Variants in SLC25A26 observed in about 807,000 individuals in gnomAD.
The protein encoded by SLC25A26 is solute carrier family 25 member 26, also known as mitochondrial S-adenosylmethionine carrier protein.
In SLC25A26, 36 loss-of-function variants were observed where a neutral mutation model predicts 37.8. The ratio of observed to expected loss-of-function variants is 0.95; its 90% CI spans 0.73 to 1.26. The LOEUF (loss-of-function observed/expected upper bound fraction) is 1.26, where lower values mean the gene tolerates loss of function less well. Among genes scored for constraint, SLC25A26 ranks in the 50% most tolerant of loss-of-function variants. SLC25A26 has a pLI of 0.00. For missense variants in SLC25A26, 390 were observed against 331.1 expected (o/e 1.18, Z -1.38); for synonymous variants, 129 against 122.5 (o/e 1.05, Z -0.35).
chr3:66,370,720 T>G, intron 9 of SLC25A26, 118 bp downstream of exon 9: 1 of 757,258 alleles, frequency 1.3e-6, no homozygotes, highest in Non-Finnish European at 2.1e-6. Flanking sequence ...GAGTTTCTAT[T>G]TATTGTGCAA....
intron 5 of SLC25A26, among the ~76,000 whole-genome samples, chr3:66,330,336 A>G (rs1447219807): frequency 6.6e-6 from 1 of 152,176 alleles, no homozygotes; most frequent in East Asian, 1.9e-4. Context: ...GTAGACAGGG[A>G]AAAACACTGA....
intron 2 of SLC25A26, among the ~76,000 whole-genome samples, chr3:66,239,086 C>A (rs1442245831): frequency 6.6e-6 from 1 of 152,084 alleles, no homozygotes; most frequent in Non-Finnish European, 1.5e-5. Flanking sequence ...CCTTTCTGCT[C>A]GATTGTCTGA....
At chr3:66,243,060 T>G in intron 2 of SLC25A26, 143 bp from the exon 3 acceptor site, 1 of 532,356 alleles carries the variant, frequency 1.9e-6, no homozygotes, top group East Asian at 3.0e-5. Flanking sequence ...AGAGTGGGGG[T>G]AGGAAGAAAA....
intron 5 of SLC25A26, among the ~76,000 whole-genome samples, chr3:66,312,707 C>T (rs2075416529): frequency 6.6e-6 from 1 of 152,084 alleles, no homozygotes; most frequent in Non-Finnish European, 1.5e-5. Flanking sequence ...TGGAATGCAC[C>T]ATTCCTCATG....
chr3:66,280,214 A>G (rs1308599345), intron 5 of SLC25A26, among the ~76,000 whole-genome samples: 1 of 152,224 alleles, frequency 6.6e-6, no homozygotes, highest in Non-Finnish European at 1.5e-5. Flanking sequence ...TTGGTAAGTG[A>G]TAAGTTCTTA....
intron 9 of SLC25A26, among the ~76,000 whole-genome samples, chr3:66,372,910 A>G (rs1700427700): frequency 6.6e-6 from 1 of 152,002 alleles, no homozygotes; most frequent in African/African-American, 2.4e-5. Flanking sequence ...TCCAGCAGAC[A>G]CCATCTCCTC....
chr3:66,368,854 T>C (rs1382598228), intron 7 of SLC25A26, among the ~76,000 whole-genome samples: 1 of 151,744 alleles, frequency 6.6e-6, no homozygotes, highest in Non-Finnish European at 1.5e-5. Flanking sequence ...CCTGTCTCTA[T>C]AGAAAATTTA....
At chr3:66,346,464 T>A in intron 6 of SLC25A26, 56 bp downstream of exon 6, 1 of 928,184 alleles carries the variant, frequency 1.1e-6, no homozygotes, top group Non-Finnish European at 1.6e-6. Flanking sequence ...TACCTAATAG[T>A]TTGAGTGTGG....
intron 1 of SLC25A26, among the ~76,000 whole-genome samples, chr3:66,211,850 C>T (rs1382001171): frequency 1.4e-4 from 21 of 152,216 alleles, no homozygotes; most frequent in African/African-American, 4.3e-4. Flanking sequence ...CATTTTTAAG[C>T]GTACAGTTCA....
intron 1 of SLC25A26, among the ~76,000 whole-genome samples, chr3:66,214,301 T>G (rs2071329504): frequency 6.6e-6 from 1 of 152,190 alleles, no homozygotes; most frequent in Non-Finnish European, 1.5e-5. Context: ...TCCTGAGGTC[T>G]CACTAGAAGC....
At chr3:66,147,225 A>T (rs1310761331) in intron 1 of SLC25A26, among the ~76,000 whole-genome samples, 2 of 149,854 alleles carry the variant, frequency 1.3e-5, no homozygotes, top group Admixed American at 6.7e-5. Context: ...GTACAGTGGC[A>T]TGATGTCAGC....
At chr3:66,355,230 A>C (rs546432827) in intron 6 of SLC25A26, among the ~76,000 whole-genome samples, 1 of 152,238 alleles carries the variant, frequency 6.6e-6, no homozygotes, top group South Asian at 2.1e-4. Context: ...TTACCAGCAC[A>C]ATCATTAGTT....
chr3:66,185,064 T>C (rs2070799655), intron 1 of SLC25A26, among the ~76,000 whole-genome samples: 1 of 152,234 alleles, frequency 6.6e-6, no homozygotes, highest in Non-Finnish European at 1.5e-5. Context: ...TCTCCAGAAC[T>C]CTTTTCATCT....
At chr3:66,197,244 A>G (rs1167403929) in intron 1 of SLC25A26, among the ~76,000 whole-genome samples, 3 of 152,180 alleles carry the variant, frequency 2.0e-5, no homozygotes, top group Non-Finnish European at 2.9e-5. Flanking sequence ...CTGACCTTAC[A>G]CAATGAGTAT....
At chr3:66,332,946 T>C (rs1047937020) in intron 5 of SLC25A26, among the ~76,000 whole-genome samples, 1 of 152,214 alleles carries the variant, frequency 6.6e-6, no homozygotes, top group African/African-American at 2.4e-5. Flanking sequence ...ACATACACTT[T>C]TTTTTCAGGA....
intron 5 of SLC25A26, among the ~76,000 whole-genome samples, chr3:66,323,600 A>G (rs943975718): frequency 3.3e-5 from 5 of 152,288 alleles, no homozygotes; most frequent in African/African-American, 1.2e-4. Flanking sequence ...GAGCCTTAGG[A>G]GTTTGAGACC....
intron 1 of SLC25A26, among the ~76,000 whole-genome samples, chr3:66,202,575 T>A (rs2071125634): frequency 6.7e-6 from 1 of 149,158 alleles, no homozygotes; most frequent in South Asian, 2.1e-4. Context: ...ATTGGCAAAG[T>A]TGACCTTAAC....
intron 6 of SLC25A26, chr3:66,355,997 A>G (rs1003729191): frequency 2.0e-5 from 9 of 455,770 alleles, no homozygotes; most frequent in South Asian, 1.4e-4. Flanking sequence ...CTACATGTAT[A>G]AAAAGCATAT....
At chr3:66,199,572 T>C in intron 1 of SLC25A26, among the ~76,000 whole-genome samples, 1 of 152,016 alleles carries the variant, frequency 6.6e-6, no homozygotes. Flanking sequence ...CCCTGAAATG[T>C]ACACTGGCCT....
Sources: allele counts gnomAD v4.1 joint callset (sites outside exome capture counted in the v4.1 genomes callset), GRCh38; gene constraint gnomAD v4.1.1; transcripts MANE v1.5; gene names NCBI Gene and HGNC (gene_info 2026-07-23, HGNC 2026-07-21).